The following TIAM1 variants were observed in gnomAD, a reference collection of about 807,000 sequenced individuals.
The protein encoded by TIAM1 is rho guanine nucleotide exchange factor TIAM1.
In TIAM1, 65 loss-of-function variants were observed where a neutral mutation model predicts 163.5. That is an observed-to-expected ratio of 0.40 (90% confidence interval 0.33 to 0.49). The LOEUF (loss-of-function observed/expected upper bound fraction) is 0.49, where lower values mean the gene tolerates loss of function less well. Among genes scored for constraint, TIAM1 ranks in the 20% least tolerant of loss-of-function variants. TIAM1 has a pLI of 0.77. For missense variants in TIAM1, 1,789 were observed against 2,044.7 expected, an observed-to-expected ratio of 0.87 and a Z score of 2.41; for synonymous variants, 833 against 810.1, an observed-to-expected ratio of 1.03 and a Z score of -0.48.
At chr21:31,371,686 C>T (rs1053712552) in intron 2 of TIAM1, among the ~76,000 whole-genome samples, 1 of 152,128 alleles carries the variant, frequency 6.6e-6, no homozygotes, top group Non-Finnish European at 1.5e-5. Context: ...GAGGAATGAC[C>T]GTTGATGAGG....
At chr21:31,426,092 G>A (rs777144748) in intron 2 of TIAM1, among the ~76,000 whole-genome samples, 2 of 151,942 alleles carry the variant, frequency 1.3e-5, no homozygotes, top group Admixed American at 6.6e-5. Flanking sequence ...TCCTTTAGTG[G>A]TGATTTCTGA....
chr21:31,412,348 G>T (rs559995905), intron 2 of TIAM1, among the ~76,000 whole-genome samples: 1 of 152,150 alleles, frequency 6.6e-6, no homozygotes, highest in South Asian at 2.1e-4. Context: ...TGGGCCATTG[G>T]TACTCCATAA....
chr21:31,469,566 C>A (rs528722847), intron 1 of TIAM1, among the ~76,000 whole-genome samples: 1 of 152,104 alleles, frequency 6.6e-6, no homozygotes, highest in Non-Finnish European at 1.5e-5. Context: ...CGGTGGCTCA[C>A]GCCTGTAATC....
intron 4 of TIAM1, among the ~76,000 whole-genome samples, chr21:31,257,991 CT>C (rs1196784530): frequency 2.0e-5 from 3 of 151,324 alleles, no homozygotes; most frequent in Non-Finnish European, 4.4e-5. Flanking sequence ...CAGCTCCCTC[CT>C]CCCCTCCTCT....
At chr21:31,234,467 A>G (rs980118449) in intron 6 of TIAM1, among the ~76,000 whole-genome samples, 3 of 152,122 alleles carry the variant, frequency 2.0e-5, no homozygotes, top group African/African-American at 7.2e-5. Context: ...AAATGTCAAT[A>G]GAAGGAAATC....
intron 23 of TIAM1, among the ~76,000 whole-genome samples, chr21:31,133,510 G>C (rs760487082): frequency 1.3e-5 from 2 of 152,224 alleles, no homozygotes; most frequent in Non-Finnish European, 2.9e-5. Context: ...GCAGGGAACA[G>C]AGTAATGTAG....
intron 14 of TIAM1, among the ~76,000 whole-genome samples, chr21:31,186,600 CT>C (rs1212741555): frequency 6.6e-6 from 1 of 151,958 alleles, no homozygotes; most frequent in African/African-American, 2.4e-5. Context: ...AGCAAGACCC[CT>C]GACTCTGAAA....
chr21:31,174,177 A>C (rs969502838), intron 15 of TIAM1, among the ~76,000 whole-genome samples: 1 of 152,188 alleles, frequency 6.6e-6, no homozygotes, highest in Non-Finnish European at 1.5e-5. Context: ...TTCGGTTTTC[A>C]GAATCGAGCT....
At chr21:31,490,192 A>T (rs2046418741) in intron 1 of TIAM1, among the ~76,000 whole-genome samples, 1 of 152,152 alleles carries the variant, frequency 6.6e-6, no homozygotes, top group East Asian at 1.9e-4. Context: ...AAATTCTTCT[A>T]TTCCTGCCCT....
chr21:31,445,413 G>C (rs1359047830), intron 2 of TIAM1, among the ~76,000 whole-genome samples: 1 of 152,190 alleles, frequency 6.6e-6, no homozygotes, highest in Admixed American at 6.5e-5. Context: ...TGCTGAAAGA[G>C]GGGCAATGGC....
chr21:31,245,071 T>A (rs2071422676), intron 6 of TIAM1, among the ~76,000 whole-genome samples: 2 of 152,190 alleles, frequency 1.3e-5, no homozygotes, highest in African/African-American at 4.8e-5. Context: ...ATTATTTTAC[T>A]TTATGATTAA....
At chr21:31,207,777 A>T (rs563914394) in intron 11 of TIAM1, among the ~76,000 whole-genome samples, 2 of 152,264 alleles carry the variant, frequency 1.3e-5, no homozygotes, top group African/African-American at 4.8e-5. Context: ...TTTAGTACAG[A>T]TGGGGTTTTG....
At chr21:31,194,837 T>G (rs1466175298) in intron 13 of TIAM1, among the ~76,000 whole-genome samples, 1 of 152,258 alleles carries the variant, frequency 6.6e-6, no homozygotes, top group Non-Finnish European at 1.5e-5. Flanking sequence ...CAAACATCAC[T>G]GTTCTGCCAC....
At chr21:31,386,422 A>T (rs1366085277) in intron 2 of TIAM1, among the ~76,000 whole-genome samples, 1 of 152,116 alleles carries the variant, frequency 6.6e-6, no homozygotes, top group Non-Finnish European at 1.5e-5. Flanking sequence ...CAAAAGCAAA[A>T]TCAAACCCAC....
intron 2 of TIAM1, among the ~76,000 whole-genome samples, chr21:31,430,219 AAAAAAAATATATATAT>A (rs1569324101): frequency 3.6e-5 from 4 of 110,976 alleles, no homozygotes; most frequent in African/African-American, 1.8e-4. Flanking sequence ...AGAAAAAAAA[AAAAAAAATATATATAT>A]ATATATATAT....
chr21:31,450,742 T>C (rs900228321), intron 2 of TIAM1, among the ~76,000 whole-genome samples: 8 of 152,106 alleles, frequency 5.3e-5, no homozygotes, highest in African/African-American at 9.7e-5. Context: ...GTGCCTTACA[T>C]TGGTGTCAGG....
In TIAM1 at chr21:31,152,977, C is replaced by T. The variant is rs534922224; in HGVS notation, c.3240+89G>A. 8.1e-6 allele frequency: 11 copies of T among 1,353,374 alleles called. No homozygotes were observed. In the East Asian group the frequency reaches 2.5e-4, roughly 31 times the overall value. 83.8% of individuals were successfully genotyped at this position (1,353,374 alleles called of 1,614,324 possible). Reference sequence around the variant, plus strand: ...CAATTAAATAAATTTAAAATGTTTTCAGTGTTACGCATGTCCCCATTTTTC... The same window carrying T: ...CAATTAAATAAATTTAAAATGTTTTTAGTGTTACGCATGTCCCCATTTTTC... On this transcript the variant is annotated intron_variant, in intron 18 of 27. Transcript: ENST00000541036.
intron 20 of TIAM1, among the ~76,000 whole-genome samples, chr21:31,142,158 G>C (rs1276346800): frequency 2.0e-5 from 3 of 152,068 alleles, no homozygotes; most frequent in Non-Finnish European, 4.4e-5. Context: ...CATGGCATGG[G>C]GTGCCCCTGC....
intron 1 of TIAM1, among the ~76,000 whole-genome samples, chr21:31,539,492 C>T (rs2048251640): frequency 6.6e-6 from 1 of 151,892 alleles, no homozygotes; most frequent in Non-Finnish European, 1.5e-5. Context: ...GTCTTGATCT[C>T]CTGACCTCGT....
Sources: allele counts gnomAD v4.1 joint callset (sites outside exome capture counted in the v4.1 genomes callset), GRCh38; gene constraint gnomAD v4.1.1; transcripts MANE v1.5; gene names NCBI Gene and HGNC (gene_info 2026-07-23, HGNC 2026-07-21).